The following EDC4 variants were observed in gnomAD, a reference collection of about 807,000 sequenced individuals.
EDC4 encodes enhancer of mRNA decapping 4, also known as enhancer of mRNA-decapping protein 4.
In EDC4, 64 loss-of-function variants were observed where a neutral mutation model predicts 155.8. That is an observed-to-expected ratio of 0.41 (90% confidence interval 0.34 to 0.51). The LOEUF is 0.51. Ranked by LOEUF, EDC4 falls within the 20% of genes least tolerant of loss-of-function variation. The probability of loss-of-function intolerance (pLI) is 0.19; values close to 1 mark genes in which losing one functional copy is unlikely to be tolerated. For missense variants in EDC4, 1,303 were observed against 1,812.5 expected, an observed-to-expected ratio of 0.72 and a Z score of 5.10; for synonymous variants, 684 against 716.8, an observed-to-expected ratio of 0.95 and a Z score of 0.73.
In EDC4 at chr16:67,877,420, C is replaced by A. The variant is rs1257283400; in HGVS notation, c.641+14C>A. 1 of 1,611,560 alleles carries A rather than the reference C, an allele frequency of 6.2e-7. No individual in the cohort carries two copies. Among genetic ancestry groups the A allele is most frequent in the East Asian group, 2.2e-5 (1 of 44,840 alleles). On this transcript the variant is annotated intron_variant, in intron 5 of 28. Transcript: ENST00000358933. The surrounding 1 kb of genome is among the most constrained non-coding windows in gnomAD (Gnocchi z 4.9). ...TGGCAAAATTCAGTATCCATTCCTT[C>A]CTGTGGGTGGTGGGACTGAAGAAGG...
rs371978678 is a variant in EDC4 at position 67,879,022 on chromosome 16, G to A, written c.1353G>A (p.Ser451=). 8.1e-6 allele frequency: 13 copies of A among 1,612,478 alleles called. No individual in the cohort carries two copies. Among genetic ancestry groups the A allele is most frequent in the Middle Eastern group, 1.6e-4 (1 of 6,062 alleles). ...EEGHACFSSI[S]EFLLTHPVLS... ...GCCACGCCTGCTTCAGCTCCATCTC[G>A]GAGTTCCTGCTCACCCACCCTGTGC... Residue 451 remains serine (S), a synonymous_variant, in exon 12 of 29, where the codon TCG becomes TCA. Coordinates refer to ENST00000358933, the MANE Select transcript of EDC4 (RefSeq NM_014329.5). This position sits in a 1 kb window ranked among gnomAD's most constrained non-coding sequence, Gnocchi z 6.0.
In EDC4 at chr16:67,879,551, T is replaced by C; in HGVS notation, c.1634-36T>C. On this transcript the variant is annotated intron_variant, in intron 14 of 28. Transcript: ENST00000358933. This position sits in a 1 kb window ranked among gnomAD's most constrained non-coding sequence, Gnocchi z 6.0. Reference sequence around the variant, plus strand: ...GTAGGGTAAGTTGGACTGACCAGGGTCTGAGATCTAACTCAAGTGGCAACT... The same window carrying C: ...GTAGGGTAAGTTGGACTGACCAGGGCCTGAGATCTAACTCAAGTGGCAACT... The C allele has an allele frequency of 6.2e-7, 1 of 1,613,780 alleles. No homozygotes were observed. The highest frequency in any genetic ancestry group is 1.1e-5 in the South Asian group (1 of 91,078).
Position 67,882,262 on chromosome 16 carries a change from G to A in EDC4, c.3211G>A (p.Ala1071Thr), listed in dbSNP as rs79746626. ...PMAGQLSNSV[A>T]TKLTAVEGSM... Reference sequence around the variant, plus strand: ...GGCAGGCCAACTGAGCAACTCAGTGGCTACCAAGCTCACAGCTGTGGAGGG... The same window carrying A: ...GGCAGGCCAACTGAGCAACTCAGTGACTACCAAGCTCACAGCTGTGGAGGG... The change falls in exon 24 of 29, where the codon GCT becomes ACT. Residue 1071 changes from alanine to threonine, a missense_variant. Ala to Thr is a moderately conservative substitution (Grantham distance 58). Coordinates refer to ENST00000358933, the MANE Select transcript of EDC4 (RefSeq NM_014329.5). The surrounding 1 kb of genome is among the most constrained non-coding windows in gnomAD (Gnocchi z 7.2). The A allele has an allele frequency of 1.7e-3, 2,745 of 1,613,484 alleles. 4 individuals are homozygous for A. The highest frequency in any genetic ancestry group is 2.2e-3 in the Non-Finnish European group (2,572 of 1,179,684).
chr16:67,882,212 G>A lies in EDC4; in HGVS notation c.3161G>A (p.Cys1054Tyr). 6.2e-7 allele frequency: 1 copy of A among 1,613,692 alleles called. No individual in the cohort carries two copies. Among genetic ancestry groups the A allele is most frequent in the Non-Finnish European group, 8.5e-7 (1 of 1,179,828 alleles). ...ACCTCACCCTCTTCCCCTCTCCCAGGTGTCTCAAGGAGTCTGGAGCCTATG... is the reference window on the plus strand; with the variant it reads ...ACCTCACCCTCTTCCCCTCTCCCAGATGTCTCAAGGAGTCTGGAGCCTATG... The part of the protein sequence containing the change: ...RDEIKKTVPP[C>Y]VSRSLEPMAG... Residue 1054 changes from cysteine to tyrosine, a missense_variant and splice_region_variant, in exon 24 of 29, where the codon TGT becomes TAT. Cys to Tyr is a radical substitution (Grantham distance 194). This residue lies in a region of EDC4 where 527 missense variants were observed against 757.0 expected (regional missense o/e 0.70). Transcript: ENST00000358933. The surrounding 1 kb of genome is among the most constrained non-coding windows in gnomAD (Gnocchi z 7.2).
chr16:67,879,230 C>G lies in EDC4; in HGVS notation c.1469-7C>G. 1.9e-6 allele frequency: 3 copies of G among 1,614,174 alleles called. No individual in the cohort carries two copies. The highest frequency in any genetic ancestry group is 1.1e-5 in the South Asian group (1 of 91,082). On this transcript the variant is annotated splice_region_variant and splice_polypyrimidine_tract_variant and intron_variant, in intron 12 of 28. Coordinates refer to ENST00000358933, the MANE Select transcript of EDC4 (RefSeq NM_014329.5). The surrounding 1 kb of genome is among the most constrained non-coding windows in gnomAD (Gnocchi z 6.0). ...CAGGGGCTTCATCATCCACACTGTCCTTTCAGATGGTACCCATGGAGCCGG... is the reference window on the plus strand; with the variant it reads ...CAGGGGCTTCATCATCCACACTGTCGTTTCAGATGGTACCCATGGAGCCGG...
Position 67,883,882 on chromosome 16 carries a change from G to T in EDC4, c.4014-74G>T. ...CCTTCACCCAGAGGGTTCCCTCTGG[G>T]CCTCGGTGCCACCAGGGGGCGCTCC... On this transcript the variant is annotated intron_variant, in intron 28 of 28. Coordinates refer to ENST00000358933, the MANE Select transcript of EDC4 (RefSeq NM_014329.5). The surrounding 1 kb of genome is among the most constrained non-coding windows in gnomAD (Gnocchi z 5.3). 6.5e-7 allele frequency: 1 copy of T among 1,537,274 alleles called. No individual in the cohort carries two copies. Among genetic ancestry groups the T allele is most frequent in the South Asian group, 1.2e-5 (1 of 81,980 alleles).
Position 67,879,172 on chromosome 16 carries a change from A to ATATC in EDC4, c.1468+38_1468+41dup. ...CTCAGGGTCAGAGCTATGTGTCCAT[A>ATATC]TATCTAGGGGGTTGTGGAGGCACAG... On this transcript the variant is annotated intron_variant, in intron 12 of 28. Transcript: ENST00000358933. This position sits in a 1 kb window ranked among gnomAD's most constrained non-coding sequence, Gnocchi z 6.0. 1 of 1,614,082 alleles carries ATATC rather than the reference A, an allele frequency of 6.2e-7. No homozygotes were observed.
rs1204565912 is a variant in EDC4 at position 67,882,886 on chromosome 16, G to A, written c.3629+21G>A. On this transcript the variant is annotated intron_variant, in intron 26 of 28. Transcript: ENST00000358933. This position sits in a 1 kb window ranked among gnomAD's most constrained non-coding sequence, Gnocchi z 7.2. ...GGCAGGTGTGTGGGCAGAGTACTGG[G>A]CAAGGTGGTGGGCTTGAGAAAGGCC... 3 of 1,613,986 alleles carry A rather than the reference G, an allele frequency of 1.9e-6. No homozygotes were observed. The African/African-American group carries it at 4.0e-5, about 22-fold the overall frequency.
Position 67,873,143 on chromosome 16 carries a change from G to A in EDC4, c.-119G>A. The A allele has an allele frequency of 1.4e-6, 1 of 726,198 alleles. No homozygotes were observed. Among genetic ancestry groups the A allele is most frequent in the Non-Finnish European group, 2.0e-6 (1 of 500,364 alleles). The allele number at this position is 726,198 out of a possible 1,614,324, so 45.0% of individuals were successfully genotyped here. ...GCGGGTGGCGGTTTGCGAACTGCGG[G>A]TGGACTGTGTAGTGACCGGCGTCCC... On this transcript the variant is annotated 5_prime_UTR_variant, in exon 1 of 29. The change creates a new upstream start codon in the 5' untranslated region. Transcript: ENST00000358933.
Position 67,882,369 on chromosome 16 carries a change from G to T in EDC4, c.3276+42G>T. The T allele has an allele frequency of 6.2e-7, 1 of 1,613,322 alleles. No individual in the cohort carries two copies. Among genetic ancestry groups the T allele is most frequent in the Non-Finnish European group, 8.5e-7 (1 of 1,179,500 alleles). On this transcript the variant is annotated intron_variant, in intron 24 of 28. Coordinates refer to ENST00000358933, the MANE Select transcript of EDC4 (RefSeq NM_014329.5). The surrounding 1 kb of genome is among the most constrained non-coding windows in gnomAD (Gnocchi z 7.2). ...GATGTGGGTGGAGGTGGTGGTTCCT[G>T]GGCCTAGTCAGGCCAGGCTGGGCTC...
chr16:67,882,622 G>A lies in EDC4; in HGVS notation c.3442+28G>A, dbSNP rs200525481. ...GAGTGGGGTCATATGGCCCAAGGTGGGAGGGGTTATCCTCTTTCCTACTGT... is the reference window on the plus strand; with the variant it reads ...GAGTGGGGTCATATGGCCCAAGGTGAGAGGGGTTATCCTCTTTCCTACTGT... On this transcript the variant is annotated intron_variant, in intron 25 of 28. Coordinates refer to ENST00000358933, the MANE Select transcript of EDC4 (RefSeq NM_014329.5). This position sits in a 1 kb window ranked among gnomAD's most constrained non-coding sequence, Gnocchi z 7.2. 1.6e-5 allele frequency: 26 copies of A among 1,614,118 alleles called. No individual in the cohort carries two copies. Among genetic ancestry groups the A allele is most frequent in the Admixed American group, 1.2e-4 (7 of 60,008 alleles).
rs762727698 is a variant in EDC4, at chr16:67,879,981, G to C, written c.1943+10G>C. On this transcript the variant is annotated intron_variant, in intron 16 of 28. Coordinates refer to ENST00000358933, the MANE Select transcript of EDC4 (RefSeq NM_014329.5). This position sits in a 1 kb window ranked among gnomAD's most constrained non-coding sequence, Gnocchi z 6.0. ...ACCCCTCCTTGACCAGGTGAGGCAA[G>C]GGTCAGAGATGGAGGATGGCAGGGG... The C allele has an allele frequency of 1.2e-6, 2 of 1,600,516 alleles. No homozygotes were observed. The highest frequency in any genetic ancestry group is 1.1e-5 in the South Asian group (1 of 89,858).
In EDC4 at chr16:67,880,180, C is replaced by T. The variant is rs760444106; in HGVS notation, c.2061C>T (p.Ala687=). 9.3e-6 allele frequency: 15 copies of T among 1,611,368 alleles called. No individual in the cohort carries two copies. The highest frequency in any genetic ancestry group is 3.4e-4 in the Middle Eastern group (2 of 5,812). Residue 687 remains alanine, a synonymous_variant, in exon 17 of 29, where the codon GCC becomes GCT. Transcript: ENST00000358933. This position sits in a 1 kb window ranked among gnomAD's most constrained non-coding sequence, Gnocchi z 5.2. ...GCCTCCTGCCTGGCCTGCTCCCAGCCCCAGCTGACAAACTGACTCCCAAGG... is the reference window on the plus strand; with the variant it reads ...GCCTCCTGCCTGGCCTGCTCCCAGCTCCAGCTGACAAACTGACTCCCAAGG... ...PRGLLPGLLP[A]PADKLTPKGP... is the part of the protein sequence containing the mutation.
rs758829650 is a variant in EDC4 at position 67,881,502 on chromosome 16, C to T, written c.2795C>T (p.Ala932Val). The T allele has an allele frequency of 1.9e-6, 3 of 1,614,072 alleles. No homozygotes were observed. The highest frequency in any genetic ancestry group is 2.2e-5 in the South Asian group (2 of 91,082). The change falls in exon 21 of 29, where the codon GCA becomes GTA. Residue 932 changes from alanine to valine, a missense_variant. Transcript: ENST00000358933. The surrounding 1 kb of genome is among the most constrained non-coding windows in gnomAD (Gnocchi z 5.4). ...KRKSKKDDGD[A>V]AMGSRLTEHQ... is the part of the protein sequence containing the mutation. ...GTGCTTCTCGCCTATGGCAGGGATGCAGCCATGGGATCCCGGCTCACAGAG... is the reference window on the plus strand; with the variant it reads ...GTGCTTCTCGCCTATGGCAGGGATGTAGCCATGGGATCCCGGCTCACAGAG...
Position 67,875,961 on chromosome 16 carries a change from C to A in EDC4, c.99C>A (p.Ser33Arg), listed in dbSNP as rs2058039658. Residue 33 changes from serine (S) to arginine (R), a missense_variant, in exon 2 of 29, where the codon AGC becomes AGA. This residue lies in a region of EDC4 where 99 missense variants were observed against 121.3 expected (regional missense o/e 0.82). Coordinates refer to ENST00000358933, the MANE Select transcript of EDC4 (RefSeq NM_014329.5). ...TGTCCCCAGGCCCCAGTGCAGAGAG[C>A]CCACGGCCATCCAGTGCCTACAATG... ...DRPAGGPSAE[S>R]PRPSSAYNGD... 2.5e-6 allele frequency: 4 copies of A among 1,613,804 alleles called. No homozygotes were observed. The highest frequency in any genetic ancestry group is 3.4e-6 in the Non-Finnish European group (4 of 1,179,934).
Position 67,879,254 on chromosome 16 carries a change from G to A in EDC4, c.1486G>A (p.Gly496Ser), listed in dbSNP as rs773212792. ...CCTTTCAGATGGTACCCATGGAGCCGGTGCCATGGAGTCTGCGGCCGGTGT... is the reference window on the plus strand; with the variant it reads ...CCTTTCAGATGGTACCCATGGAGCCAGTGCCATGGAGTCTGCGGCCGGTGT... ...SLGADGTHGA[G>S]AMESAAGVLI... Residue 496 changes from glycine to serine, a missense_variant, in exon 13 of 29, where the codon GGT becomes AGT. By Grantham distance (56) the Gly-to-Ser change is moderately conservative. Around this residue, in one of 5 missense-constraint regions of EDC4, gnomAD observed 391 missense variants for 445.4 expected, o/e 0.88. Transcript: ENST00000358933. This position sits in a 1 kb window ranked among gnomAD's most constrained non-coding sequence, Gnocchi z 6.0. 1.3e-5 allele frequency: 21 copies of A among 1,614,058 alleles called. No homozygotes were observed. The highest frequency in any genetic ancestry group is 6.6e-5 in the South Asian group (6 of 91,086).
chr16:67,877,077 C>T lies in EDC4; in HGVS notation c.451+105C>T. The T allele has an allele frequency of 2.6e-6, 4 of 1,551,740 alleles. No homozygotes were observed. Among genetic ancestry groups the T allele is most frequent in the Non-Finnish European group, 2.6e-6 (3 of 1,147,568 alleles). On this transcript the variant is annotated intron_variant, in intron 4 of 28. Transcript: ENST00000358933. This position sits in a 1 kb window ranked among gnomAD's most constrained non-coding sequence, Gnocchi z 4.9. ...CTTAGGGGTACAATGGAAGGTTTGT[C>T]CATGCTGCCTCTTGGGGAGCTGGGT...
intron 1 of EDC4, chr16:67,875,622 G>A (rs775326675): frequency 3.1e-6 from 2 of 640,856 alleles, no homozygotes; most frequent in Non-Finnish European, 4.1e-6. Context: ...GCTGTATAAA[G>A]TCTTTCCTGA....
rs2058068278 is a variant in EDC4, at chr16:67,881,566, AC to A, written c.2826+34del. ...AATGAGCCCACTTTGTACTTGTGGA[AC>A]TTCACCCTGGGCGGGTGGAGAAGGG... On this transcript the variant is annotated intron_variant, in intron 21 of 28. Transcript: ENST00000358933. The surrounding 1 kb of genome is among the most constrained non-coding windows in gnomAD (Gnocchi z 5.4). 6.2e-7 allele frequency: 1 copy of A among 1,613,626 alleles called. No individual in the cohort carries two copies. Among genetic ancestry groups the A allele is most frequent in the African/African-American group, 1.3e-5 (1 of 75,022 alleles).
Sources: allele counts gnomAD v4.1 joint callset, GRCh38; gene constraint gnomAD v4.1.1; regional missense constraint gnomAD v4.1.1; non-coding constraint Gnocchi (gnomAD v3.1); transcripts MANE v1.5; gene names NCBI Gene and HGNC (gene_info 2026-07-23, HGNC 2026-07-21).